Variants in METTL15 observed in about 807,000 individuals in gnomAD.
METTL15 encodes the protein methyltransferase 15, mitochondrial 12S rRNA N4-cytidine, also known as 12S rRNA N(4)-cytidine methyltransferase METTL15.
Under a neutral mutation model 38.3 loss-of-function variants are expected in METTL15, and 34 were observed. That is an observed-to-expected ratio of 0.89 (90% CI 0.68 to 1.18). METTL15 has a LOEUF of 1.18. Ranked by LOEUF, METTL15 falls within the 50% of genes most tolerant of loss-of-function variation. The pLI is 0.00. For synonymous variants in METTL15, 162 were observed against 170.9 expected, an observed-to-expected ratio of 0.95 and a Z score of 0.41; for missense variants, 438 against 498.4, an observed-to-expected ratio of 0.88 and a Z score of 1.15.
Position 28,162,020 on chromosome 11 carries a change from C to A in METTL15, c.270+48416C>A, listed in dbSNP as rs192598117. ...AACATTTGTTGATGTTTATTATATA[C>A]CGGGCACTGTTCCTCTTTTTGACTT... On this transcript the variant is annotated intron_variant, in intron 3 of 6. Coordinates refer to ENST00000407364, the MANE Select transcript of METTL15 (RefSeq NM_001113528.2). Among the ~76,000 whole-genome samples the A allele has an allele frequency of 6.6e-3, 1,002 of 152,252 alleles. 2 individuals are homozygous for A. Among genetic ancestry groups the A allele is most frequent in the Non-Finnish European group, 0.011 (722 of 68,018 alleles).
chr11:28,463,490 G>C (rs1851232457), intron 6 of METTL15, among the ~76,000 whole-genome samples: 5 of 152,164 alleles, frequency 3.3e-5, no homozygotes, highest in African/African-American at 1.2e-4. Context: ...GAATGTGAAA[G>C]TGGGACATGC....
At chr11:28,279,536 T>G (rs1239393188) in intron 4 of METTL15, among the ~76,000 whole-genome samples, 1 of 150,790 alleles carries the variant, frequency 6.6e-6, no homozygotes, top group African/African-American at 2.5e-5. Context: ...TGCTCTCTTA[T>G]TTGTTATACA....
intron 6 of METTL15, among the ~76,000 whole-genome samples, chr11:28,470,141 A>T (rs1422122752): frequency 1.3e-5 from 2 of 152,276 alleles, no homozygotes; most frequent in Non-Finnish European, 1.5e-5. Flanking sequence ...GGGAAAAACA[A>T]TCTTTGTATT....
intron 3 of METTL15, among the ~76,000 whole-genome samples, chr11:28,178,281 A>G (rs776164467): frequency 5.3e-5 from 8 of 152,088 alleles, no homozygotes; most frequent in Non-Finnish European, 8.8e-5. Context: ...AAACATAAGT[A>G]AACAAAACCT....
intron 6 of METTL15, among the ~76,000 whole-genome samples, chr11:28,454,915 G>A (rs999177192): frequency 3.9e-5 from 6 of 152,206 alleles, no homozygotes; most frequent in African/African-American, 1.4e-4. Context: ...TTGGAGTGGA[G>A]GATGAGGAAG....
At chr11:28,402,851 T>C (rs919173709) in intron 5 of METTL15, among the ~76,000 whole-genome samples, 1 of 152,014 alleles carries the variant, frequency 6.6e-6, no homozygotes, top group East Asian at 1.9e-4. Context: ...CTCAGCCTCC[T>C]GAGTCTCCAA....
At chr11:28,208,755 C>T (rs1852486173) in intron 3 of METTL15, among the ~76,000 whole-genome samples, 1 of 151,694 alleles carries the variant, frequency 6.6e-6, no homozygotes, top group African/African-American at 2.4e-5. Context: ...TTATTTGCAA[C>T]TCCTACAGAT....
At chr11:28,298,681 T>A (rs971223674) in intron 6 of METTL15, among the ~76,000 whole-genome samples, 4 of 152,100 alleles carry the variant, frequency 2.6e-5, no homozygotes, top group Non-Finnish European at 4.4e-5. Flanking sequence ...TGAGAAATGA[T>A]ACAGTAAAAG....
In METTL15 at chr11:28,478,593, C is replaced by T. The variant is rs571814751; in HGVS notation, c.*425-47885C>T. On this transcript the variant is annotated intron_variant and NMD_transcript_variant, in intron 6 of 7. Coordinates refer to the METTL15 transcript ENST00000532947. ...TCAAATGTGCCAGCAGATTTGGTAT[C>T]CCCGCTTTTGATGCTTGGGATGCCT... Among the ~76,000 whole-genome samples, 3 of 152,214 alleles carry T rather than the reference C, an allele frequency of 2.0e-5. No individual in the cohort carries two copies. The South Asian group carries it at 6.2e-4, about 32-fold the overall frequency.
At chr11:28,293,469 T>G (rs1273109531) in intron 5 of METTL15, among the ~76,000 whole-genome samples, 1 of 152,344 alleles carries the variant, frequency 6.6e-6, no homozygotes, top group East Asian at 1.9e-4. Context: ...CCTTGTAGTA[T>G]AGTTTGAAGT....
intron 4 of METTL15, among the ~76,000 whole-genome samples, chr11:28,277,335 TTCA>T (rs1457061284): frequency 6.6e-6 from 1 of 152,178 alleles, no homozygotes; most frequent in Non-Finnish European, 1.5e-5. Flanking sequence ...AATCTAAGTG[TTCA>T]TCAACAAATA....
intron 3 of METTL15, among the ~76,000 whole-genome samples, chr11:28,139,588 C>A (rs1446506089): frequency 6.6e-6 from 1 of 152,042 alleles, no homozygotes; most frequent in African/African-American, 2.4e-5. Flanking sequence ...CTTGTCTGTG[C>A]CATGGATGCT....
intron 3 of METTL15, among the ~76,000 whole-genome samples, chr11:28,133,712 C>T (rs908500968): frequency 1.3e-5 from 2 of 152,126 alleles, no homozygotes; most frequent in African/African-American, 4.8e-5. Context: ...ATTGAGGCTC[C>T]TACCAACAAT....
At chr11:28,393,365 A>T (rs1423847244) in intron 5 of METTL15, among the ~76,000 whole-genome samples, 1 of 152,104 alleles carries the variant, frequency 6.6e-6, no homozygotes, top group Non-Finnish European at 1.5e-5. Flanking sequence ...ATCCTGAATA[A>T]CAAATTACCC....
Position 28,274,012 on chromosome 11 carries a change from A to G in METTL15, c.408-16194A>G, listed in dbSNP as rs183746366. Among the ~76,000 whole-genome samples the G allele has an allele frequency of 3.3e-5, 5 of 152,206 alleles. No homozygotes were observed. The East Asian group carries it at 7.7e-4, about 23-fold the overall frequency. Reference sequence around the variant, plus strand: ...TTATTTCGTACTAATATACACTTGCATATTCTTTTAAAATGAGAAATAATA... The same window carrying G: ...TTATTTCGTACTAATATACACTTGCGTATTCTTTTAAAATGAGAAATAATA... On this transcript the variant is annotated intron_variant, in intron 4 of 6. Transcript: ENST00000407364.
chr11:28,215,407 G>A (rs562008435), intron 4 of METTL15, among the ~76,000 whole-genome samples: 42 of 152,068 alleles, frequency 2.8e-4, no homozygotes, highest in South Asian at 1.7e-3. Context: ...TATGACCCAC[G>A]TTGGAGAAGA....
chr11:28,419,587 A>G (rs899714942), intron 5 of METTL15, among the ~76,000 whole-genome samples: 1 of 152,048 alleles, frequency 6.6e-6, no homozygotes, highest in Admixed American at 6.6e-5. Flanking sequence ...TAAATACACA[A>G]CTCTTCAATG....
chr11:28,158,206 G>A (rs2133735502), intron 3 of METTL15, among the ~76,000 whole-genome samples: 1 of 152,292 alleles, frequency 6.6e-6, no homozygotes, highest in South Asian at 2.1e-4. Context: ...GAAGATATTT[G>A]CATCTCACGT....
At chr11:28,277,788 A>G (rs951717285) in intron 4 of METTL15, among the ~76,000 whole-genome samples, 2 of 152,190 alleles carry the variant, frequency 1.3e-5, no homozygotes, top group African/African-American at 4.8e-5. Context: ...ATTTGAAATA[A>G]GCTGGGCACA....
Sources: gnomAD v4.1 joint callset for allele counts (sites outside exome capture counted in the v4.1 genomes callset) on GRCh38, gnomAD v4.1.1 for gene constraint, MANE v1.5 for transcripts, NCBI Gene and HGNC (gene_info 2026-07-23, HGNC 2026-07-21) for gene names.